FHL5: variants seen among roughly 807,000 people sequenced by gnomAD.
The protein encoded by FHL5 is four and a half LIM domains 5, also known as four and a half LIM domains protein 5.
Under a neutral mutation model 32.0 loss-of-function variants are expected in FHL5, and 33 were observed. The observed-to-expected ratio is 1.03, with a 90% confidence interval of 0.78 to 1.38. The LOEUF is 1.38. Among genes scored for constraint, FHL5 ranks in the 40% most tolerant of loss-of-function variants. The pLI is 0.00. For missense variants in FHL5, 336 were observed against 343.9 expected (o/e 0.98, Z 0.18); for synonymous variants, 114 against 113.6 (o/e 1.00, Z -0.02).
At chr6:96,605,591 T>C (rs1771259134) in intron 3 of FHL5, among the ~76,000 whole-genome samples, 1 of 152,142 alleles carries the variant, frequency 6.6e-6, no homozygotes, top group African/African-American at 2.4e-5. Context: ...GCCCAATTTA[T>C]CCAAACCATG....
At chr6:96,585,392 T>C (rs1770777030) in intron 1 of FHL5, among the ~76,000 whole-genome samples, 1 of 152,150 alleles carries the variant, frequency 6.6e-6, no homozygotes, top group Non-Finnish European at 1.5e-5. Context: ...TAGATATATT[T>C]ATACAGGTAA....
At chr6:96,612,164 A>G (rs1435917520) in intron 5 of FHL5, among the ~76,000 whole-genome samples, 2 of 152,150 alleles carry the variant, frequency 1.3e-5, no homozygotes, top group Admixed American at 6.6e-5. Context: ...ACTCGGCTCC[A>G]GGGTCCATGC....
rs995782747 is a variant in FHL5, at chr6:96,576,578, C to G, written c.-13+13223C>G. On this transcript the variant is annotated intron_variant, in intron 1 of 5. Transcript: ENST00000450218. ...ATGGCCCAGAGTTGGCCCTCAAGAG[C>G]TTTTTATGAAACCTACAGAACTAAA... Among the ~76,000 whole-genome samples, 7 of 152,180 alleles carry G rather than the reference C, an allele frequency of 4.6e-5. 1 individual carries two copies. The highest frequency in any genetic ancestry group is 1.7e-4 in the African/African-American group (7 of 41,430).
At chr6:96,584,244 G>A (rs542525150) in intron 1 of FHL5, among the ~76,000 whole-genome samples, 2 of 152,300 alleles carry the variant, frequency 1.3e-5, no homozygotes, top group African/African-American at 2.4e-5. Flanking sequence ...ATGCTACAGA[G>A]AGAAGGATTT....
intron 1 of FHL5, among the ~76,000 whole-genome samples, chr6:96,580,289 C>A (rs1770672424): frequency 6.6e-6 from 1 of 152,124 alleles, no homozygotes; most frequent in South Asian, 2.1e-4. Flanking sequence ...TTTTAGAGAT[C>A]ACCCAGTATA....
At chr6:96,584,667 T>C (rs992278806) in intron 1 of FHL5, among the ~76,000 whole-genome samples, 8 of 152,108 alleles carry the variant, frequency 5.3e-5, no homozygotes, top group African/African-American at 1.9e-4. Flanking sequence ...TTATCAAGCA[T>C]CATGGAGGAT....
intron 1 of FHL5, among the ~76,000 whole-genome samples, chr6:96,582,494 A>G (rs1046065522): frequency 6.6e-6 from 1 of 152,172 alleles, no homozygotes; most frequent in Non-Finnish European, 1.5e-5. Flanking sequence ...CCATAATTAC[A>G]TGATTCTAAA....
chr6:96,592,552 C>T (rs556678859), intron 1 of FHL5, among the ~76,000 whole-genome samples: 1 of 152,002 alleles, frequency 6.6e-6, no homozygotes. Context: ...CCTCAGCTTA[C>T]GAGATGACAG....
At chr6:96,598,388 G>C (rs17056749) in intron 1 of FHL5, among the ~76,000 whole-genome samples, 4,459 of 152,242 alleles carry the variant, frequency 0.029, 188 homozygotes, top group African/African-American at 0.1. Context: ...TCCAGGAAAT[G>C]CCTTTAGCTC....
chr6:96,609,426 G>A (rs1298919903), intron 4 of FHL5, among the ~76,000 whole-genome samples: 1 of 152,164 alleles, frequency 6.6e-6, no homozygotes, highest in Non-Finnish European at 1.5e-5. Context: ...CTTAAAAATA[G>A]TTACATGAGA....
At chr6:96,608,668 G>A (rs567373542) in intron 4 of FHL5, among the ~76,000 whole-genome samples, 8 of 152,054 alleles carry the variant, frequency 5.3e-5, no homozygotes, top group African/African-American at 1.2e-4. Context: ...CGTCTTCTTC[G>A]ATTTTTCATC....
intron 1 of FHL5, among the ~76,000 whole-genome samples, chr6:96,587,947 A>G (rs373792504): frequency 9.8e-5 from 15 of 152,308 alleles, no homozygotes; most frequent in East Asian, 9.7e-4. Context: ...TTGTGTGACC[A>G]CACATCTACT....
intron 5 of FHL5, among the ~76,000 whole-genome samples, chr6:96,613,751 T>C (rs762425202): frequency 3.3e-5 from 5 of 152,212 alleles, no homozygotes; most frequent in Non-Finnish European, 2.9e-5. Flanking sequence ...AAATCTTAGA[T>C]CTGCTGCTTA....
intron 5 of FHL5, among the ~76,000 whole-genome samples, chr6:96,613,966 CTA>C (rs1241025733): frequency 4.6e-5 from 7 of 152,182 alleles, no homozygotes; most frequent in African/African-American, 1.7e-4. Context: ...TGTCAGAAAC[CTA>C]TGAAACCAGA....
chr6:96,592,764 A>C (rs1160753844), intron 1 of FHL5, among the ~76,000 whole-genome samples: 1 of 152,206 alleles, frequency 6.6e-6, no homozygotes, highest in Admixed American at 6.5e-5. Context: ...CCATGGCTTC[A>C]GCCAGTCCCT....
At chr6:96,569,926 T>TTCAC (rs1770440515) in intron 1 of FHL5, among the ~76,000 whole-genome samples, 1 of 151,846 alleles carries the variant, frequency 6.6e-6, no homozygotes, top group African/African-American at 2.4e-5. Flanking sequence ...GGACTTAACA[T>TTCAC]CCACCATTTT....
At chr6:96,584,642 G>C (rs1194776203) in intron 1 of FHL5, among the ~76,000 whole-genome samples, 2 of 152,084 alleles carry the variant, frequency 1.3e-5, no homozygotes. Flanking sequence ...GATCAGATGA[G>C]GCTGAGTGAG....
At chr6:96,603,226 A>G (rs1002811627) in intron 1 of FHL5, among the ~76,000 whole-genome samples, 1 of 152,216 alleles carries the variant, frequency 6.6e-6, no homozygotes, top group Non-Finnish European at 1.5e-5. Context: ...AAAGTAAGTG[A>G]TGATAGTTAT....
intron 1 of FHL5, among the ~76,000 whole-genome samples, chr6:96,587,944 A>C (rs1330466357): frequency 6.6e-6 from 1 of 152,150 alleles, no homozygotes; most frequent in African/African-American, 2.4e-5. Context: ...ATGTTGTGTG[A>C]CCACACATCT....
Sources: gnomAD v4.1 joint callset for allele counts (sites outside exome capture counted in the v4.1 genomes callset) on GRCh38, gnomAD v4.1.1 for gene constraint, MANE v1.5 for transcripts, NCBI Gene and HGNC (gene_info 2026-07-23, HGNC 2026-07-21) for gene names.